MBD5: variants seen among roughly 807,000 people sequenced by gnomAD.
The protein encoded by MBD5 is methyl-CpG binding domain protein 5.
A neutral mutation model predicts 117.3 loss-of-function variants in MBD5; 13 were observed. The ratio of observed to expected loss-of-function variants is 0.11; its 90% CI spans 0.07 to 0.18. MBD5 has a LOEUF of 0.18. MBD5 is among the 10% of genes least tolerant of loss of function. The pLI, the probability that MBD5 is intolerant of heterozygous loss-of-function variation, is 1.00. For synonymous variants in MBD5, 727 were observed against 766.4 expected (o/e 0.95, Z 0.85); for missense variants, 1,879 against 2,093.8 (o/e 0.90, Z 2.00).
At chr2:148,359,685 G>A (rs1346385950) in intron 4 of MBD5, among the ~76,000 whole-genome samples, 1 of 151,964 alleles carries the variant, frequency 6.6e-6, no homozygotes, top group Non-Finnish European at 1.5e-5. Flanking sequence ...AGATCTTTTT[G>A]ATAATAGGAA....
intron 4 of MBD5, among the ~76,000 whole-genome samples, chr2:148,382,465 G>T (rs1486495954): frequency 6.6e-6 from 1 of 152,132 alleles, no homozygotes; most frequent in Non-Finnish European, 1.5e-5. Flanking sequence ...CAAGTCCTTA[G>T]TGACCTACAA....
At chr2:148,401,056 T>C (rs1704905272) in intron 4 of MBD5, among the ~76,000 whole-genome samples, 1 of 152,184 alleles carries the variant, frequency 6.6e-6, no homozygotes, top group South Asian at 2.1e-4. Context: ...TCTTGTTTTG[T>C]CATCTGGTCC....
chr2:148,470,266 G>A lies in MBD5; in HGVS notation c.2323G>A (p.Val775Ile). The A allele has an allele frequency of 6.2e-7, 1 of 1,613,978 alleles. No homozygotes were observed. The highest frequency in any genetic ancestry group is 8.5e-7 in the Non-Finnish European group (1 of 1,179,918). Residue 775 changes from valine (V) to isoleucine (I), a missense_variant, in exon 8 of 14, where the codon GTC becomes ATC. By Grantham distance (29) the Val-to-Ile change is conservative. This residue lies in a region of MBD5 where 1,666 missense variants were observed against 1,792.2 expected (regional missense o/e 0.93). Coordinates refer to ENST00000642680, the MANE Select transcript of MBD5 (RefSeq NM_001378120.1). ...TAACTTTGTTCACAGTAACAGTCCAGTCCCCAACCACCATCTTGCAGGTTT... is the reference window on the plus strand; with the variant it reads ...TAACTTTGTTCACAGTAACAGTCCAATCCCCAACCACCATCTTGCAGGTTT... ...NTNFVHSNSP[V>I]PNHHLAGLIN...
At chr2:148,447,079 GAAAC>G (rs1017871564) in intron 4 of MBD5, among the ~76,000 whole-genome samples, 8 of 133,806 alleles carry the variant, frequency 6.0e-5, no homozygotes, top group Admixed American at 4.5e-4. Context: ...GAAAAAGAAA[GAAAC>G]AAAGAAAGAA....
In MBD5 at chr2:148,145,710, A is replaced by T. The variant is rs139456238; in HGVS notation, c.-924-32990A>T. 7.2e-3 allele frequency among the ~76,000 whole-genome samples: 1,099 copies of T among 152,220 alleles called. 11 individuals carry two copies. Among genetic ancestry groups the T allele is most frequent in the African/African-American group, 0.025 (1,025 of 41,530 alleles). On this transcript the variant is annotated intron_variant, in intron 1 of 13. Transcript: ENST00000642680. ...TTTCTGCATGTATTGAGATAATCAT[A>T]TGGTTTTTGTCTTTGGTCTGCTTAT... is the stretch of plus-strand genomic sequence containing the variant.
intron 1 of MBD5, among the ~76,000 whole-genome samples, chr2:148,129,383 T>A (rs970349375): frequency 2.6e-5 from 4 of 152,040 alleles, no homozygotes; most frequent in African/African-American, 9.7e-5. Flanking sequence ...TAATCTCAAC[T>A]ACTCGGGAGG....
In MBD5 at chr2:148,424,177, C is replaced by CAAAAAAAAAAAAAAAAAAAA. The variant is rs56740583; in HGVS notation, c.-556-34006_-556-33987dup. 9.4e-5 allele frequency among the ~76,000 whole-genome samples: 5 copies of CAAAAAAAAAAAAAAAAAAAA among 53,462 alleles called. 1 individual carries two copies. Among genetic ancestry groups the CAAAAAAAAAAAAAAAAAAAA allele is most frequent in the Non-Finnish European group, 2.1e-4 (5 of 23,302 alleles). 35.1% of individuals were successfully genotyped at this position (53,462 alleles called of 152,430 possible). On this transcript the variant is annotated intron_variant, in intron 4 of 13. Transcript: ENST00000642680. ...TGGGCAACAGAGCAAGACTCTGTCT[C>CAAAAAAAAAAAAAAAAAAAA]AAAAAAAAAAAAAAAAAAAAAAAAA...
At chr2:148,413,394 A>C (rs1251040415) in intron 4 of MBD5, among the ~76,000 whole-genome samples, 1 of 151,884 alleles carries the variant, frequency 6.6e-6, no homozygotes, top group East Asian at 1.9e-4. Flanking sequence ...TTTGCATTGA[A>C]GTTCATCAAG....
chr2:148,446,491 T>C (rs952579946), intron 4 of MBD5, among the ~76,000 whole-genome samples: 1 of 152,066 alleles, frequency 6.6e-6, no homozygotes, highest in Non-Finnish European at 1.5e-5. Context: ...TGGTCCAGGA[T>C]AGCTCTTCCA....
chr2:148,109,784 T>C (rs563681570), intron 1 of MBD5, among the ~76,000 whole-genome samples: 8 of 152,284 alleles, frequency 5.3e-5, no homozygotes, highest in African/African-American at 1.9e-4. Context: ...CATTCTCATT[T>C]TGCTTATTTG....
intron 3 of MBD5, among the ~76,000 whole-genome samples, chr2:148,340,494 G>A (rs559181252): frequency 6.6e-6 from 1 of 152,154 alleles, no homozygotes; most frequent in African/African-American, 2.4e-5. Flanking sequence ...AATTCTCCAT[G>A]TTTTAATTTT....
At chr2:148,180,126 A>T (rs1182263455) in intron 2 of MBD5, among the ~76,000 whole-genome samples, 1 of 151,440 alleles carries the variant, frequency 6.6e-6, no homozygotes, top group Non-Finnish European at 1.5e-5. Context: ...GATTTTTGCC[A>T]GTTTTCTATA....
At chr2:148,024,937 C>G (rs1693854923) in intron 1 of MBD5, 1 of 152,184 alleles carries the variant, frequency 6.6e-6, no homozygotes, top group South Asian at 2.1e-4. Flanking sequence ...ACATGTTTCC[C>G]TGACTTTGTT....
intron 3 of MBD5, among the ~76,000 whole-genome samples, chr2:148,299,173 G>A (rs1351408785): frequency 7.2e-5 from 11 of 151,734 alleles, no homozygotes; most frequent in Admixed American, 7.2e-4. Flanking sequence ...CTGTCGCCCA[G>A]GCTGGAGTGC....
rs181819524 is a variant in MBD5, at chr2:148,509,742, G to A, written c.5037-318G>A. Among the ~76,000 whole-genome samples, 7 of 152,328 alleles carry A rather than the reference G, an allele frequency of 4.6e-5. No individual in the cohort carries two copies. The East Asian group carries it at 1.2e-3, about 25-fold the overall frequency. ...CCGGCTGGAGCCAGGGAGCATGAGG[G>A]GCGTCTCTGGGAGAGGGAACCCGTG... On this transcript the variant is annotated intron_variant, in intron 12 of 13. Transcript: ENST00000642680.
chr2:148,235,072 A>G (rs1266172512), intron 3 of MBD5, among the ~76,000 whole-genome samples: 1 of 152,154 alleles, frequency 6.6e-6, no homozygotes, highest in Non-Finnish European at 1.5e-5. Flanking sequence ...CAGTTTTTGC[A>G]TATAACTCAC....
intron 4 of MBD5, among the ~76,000 whole-genome samples, chr2:148,415,096 G>GC (rs1386664582): frequency 6.6e-6 from 1 of 152,112 alleles, no homozygotes; most frequent in African/African-American, 2.4e-5. Context: ...TTTTGTGATA[G>GC]CCAGTAACAG....
chr2:148,402,514 C>T (rs192333619), intron 4 of MBD5, among the ~76,000 whole-genome samples: 1 of 152,100 alleles, frequency 6.6e-6, no homozygotes, highest in African/African-American at 2.4e-5. Context: ...TCTAATTCCT[C>T]CCTCCTACTT....
chr2:148,360,416 A>G (rs1703500001), intron 4 of MBD5, among the ~76,000 whole-genome samples: 1 of 152,210 alleles, frequency 6.6e-6, no homozygotes, highest in East Asian at 1.9e-4. Flanking sequence ...GAAAAACAAA[A>G]GACATTTTAT....
Sources: gnomAD v4.1 joint callset for allele counts (sites outside exome capture counted in the v4.1 genomes callset) on GRCh38, gnomAD v4.1.1 for gene constraint, gnomAD v4.1.1 regional missense constraint, MANE v1.5 for transcripts, NCBI Gene and HGNC (gene_info 2026-07-23, HGNC 2026-07-21) for gene names.